SHC3: variants seen among roughly 807,000 people sequenced by gnomAD.
SHC3 encodes SHC adaptor protein 3.
SHC3 carries 15 observed loss-of-function variants against 60.4 expected under a neutral mutation model. The observed-to-expected ratio is 0.25, with a 90% CI of 0.17 to 0.38. SHC3 has a LOEUF of 0.38. Among genes scored for constraint, SHC3 ranks in the 10% least tolerant of loss-of-function variants. The probability of loss-of-function intolerance (pLI) is 1.00; values close to 1 mark genes in which losing one functional copy is unlikely to be tolerated. For synonymous variants in SHC3, 294 were observed against 325.9 expected, an observed-to-expected ratio of 0.90 and a Z score of 1.05; for missense variants, 677 against 786.1, an observed-to-expected ratio of 0.86 and a Z score of 1.66.
At position 89,046,885 on chromosome 9, in the gene SHC3, T is replaced by C. The variant is rs1039164547; in HGVS notation, c.1072A>G (p.Thr358Ala). Residue 358 changes from threonine to alanine, a missense_variant, in exon 8 of 12, where the codon ACT becomes GCT. Transcript: ENST00000375835. ...KMPPPGGFLD[T>A]RLKPRPHAPD... The stretch of plus-strand genomic sequence containing the variant: ...GCATGGGGTCTGGGTTTCAGTCTAG[T>C]ATCAAGAAAGCCCCCTGGAGGAGGC... 2 of 1,610,484 alleles carry C rather than the reference T, an allele frequency of 1.2e-6. No individual in the cohort carries two copies. The highest frequency in any genetic ancestry group is 2.7e-5 in the African/African-American group (2 of 75,042).
chr9:89,046,073 A>AC (rs112478625), intron 8 of SHC3, among the ~76,000 whole-genome samples: 1,855 of 104,138 alleles, frequency 0.018, 13 homozygotes, highest in Middle Eastern at 0.027. Context: ...TGTTTTCATT[A>AC]CCCCCCCCAC....
chr9:89,060,546 G>T (rs186907594), intron 6 of SHC3, among the ~76,000 whole-genome samples: 258 of 152,100 alleles, frequency 1.7e-3, no homozygotes, highest in Admixed American at 6.0e-3. Context: ...GCTTGGCACG[G>T]TCAGGGTCAA....
At position 89,010,491 on chromosome 9, in the gene SHC3, C is replaced by G. The variant is rs549275140; in HGVS notation, c.*2956G>C. Reference sequence around the variant, plus strand: ...GTGGGTGGGGGTCTCTAGGGCCACTCGGTAAGGGCAGAGGGGCCGTTTTAG... The same window carrying G: ...GTGGGTGGGGGTCTCTAGGGCCACTGGGTAAGGGCAGAGGGGCCGTTTTAG... On this transcript the variant is annotated 3_prime_UTR_variant, in exon 12 of 12. Coordinates refer to ENST00000375835, the MANE Select transcript of SHC3 (RefSeq NM_016848.6). 6.6e-6 allele frequency: 1 copy of G among 152,382 alleles called. No homozygotes were observed. The highest frequency in any genetic ancestry group is 2.1e-4 in the South Asian group (1 of 4,832). 9.4% of individuals were successfully genotyped at this position (152,382 alleles called of 1,614,324 possible).
chr9:89,074,691 C>CAAAAAAAAAAAAAAAAAAA, intron 4 of SHC3, among the ~76,000 whole-genome samples: 1 of 59,926 alleles, frequency 1.7e-5, no homozygotes, highest in Non-Finnish European at 2.9e-5. Flanking sequence ...GCCACTAAAG[C>CAAAAAAAAAAAAAAAAAAA]AAAAAAAAAA....
intron 4 of SHC3, among the ~76,000 whole-genome samples, chr9:89,071,920 T>G (rs1354233684): frequency 6.6e-6 from 1 of 152,202 alleles, no homozygotes; most frequent in Non-Finnish European, 1.5e-5. Context: ...GACATTGTTG[T>G]GCATCTGGAT....
At chr9:89,090,876 T>C (rs1211216203) in intron 2 of SHC3, among the ~76,000 whole-genome samples, 1 of 152,150 alleles carries the variant, frequency 6.6e-6, no homozygotes, top group Non-Finnish European at 1.5e-5. Flanking sequence ...TGAGGAAGAA[T>C]CTTTTCCCTC....
At chr9:89,130,730 G>A (rs190742814) in intron 1 of SHC3, among the ~76,000 whole-genome samples, 24 of 152,062 alleles carry the variant, frequency 1.6e-4, no homozygotes, top group East Asian at 1.9e-4. Context: ...GAACAAAGAC[G>A]CAACATACCA....
intron 11 of SHC3, among the ~76,000 whole-genome samples, chr9:89,025,672 AC>A (rs2118653526): frequency 6.6e-6 from 1 of 152,298 alleles, no homozygotes; most frequent in Non-Finnish European, 1.5e-5. Flanking sequence ...TAACATTTAA[AC>A]AGAGACCTTA....
chr9:89,113,808 C>A (rs767853701), intron 1 of SHC3, among the ~76,000 whole-genome samples: 1 of 152,172 alleles, frequency 6.6e-6, no homozygotes, highest in East Asian at 1.9e-4. Flanking sequence ...ATACCACTAC[C>A]AAGGCAGATA....
At chr9:89,086,246 C>T (rs1239702577) in intron 2 of SHC3, among the ~76,000 whole-genome samples, 1 of 152,144 alleles carries the variant, frequency 6.6e-6, no homozygotes, top group Admixed American at 6.5e-5. Context: ...AAGACTGTGC[C>T]CCACTTCCGA....
At chr9:89,058,755 A>ACGG (rs1459358487) in intron 6 of SHC3, among the ~76,000 whole-genome samples, 1 of 141,252 alleles carries the variant, frequency 7.1e-6, no homozygotes, top group East Asian at 2.2e-4. Flanking sequence ...GTGGTGGAGG[A>ACGG]TGGTGGTGGA....
chr9:89,089,660 G>C (rs1825589026), intron 2 of SHC3, among the ~76,000 whole-genome samples: 2 of 152,214 alleles, frequency 1.3e-5, no homozygotes, highest in African/African-American at 4.8e-5. Context: ...ACTCTTCCCA[G>C]AATCACACAA....
intron 6 of SHC3, among the ~76,000 whole-genome samples, chr9:89,063,192 C>T (rs956040001): frequency 1.3e-5 from 2 of 152,050 alleles, no homozygotes; most frequent in Admixed American, 6.5e-5. Flanking sequence ...TGCAGTGGTG[C>T]GATCTCGGCT....
At chr9:89,099,023 C>T (rs1024490234) in intron 2 of SHC3, among the ~76,000 whole-genome samples, 1 of 152,092 alleles carries the variant, frequency 6.6e-6, no homozygotes, top group East Asian at 1.9e-4. Context: ...ATGCAGGATT[C>T]CTTTGTCATA....
chr9:89,018,866 G>A, intron 11 of SHC3, among the ~76,000 whole-genome samples: 1 of 151,284 alleles, frequency 6.6e-6, no homozygotes, highest in Middle Eastern at 3.2e-3. Context: ...GATCAGCCTG[G>A]CCAACACAGT....
intron 11 of SHC3, among the ~76,000 whole-genome samples, chr9:89,025,305 C>G (rs1246370948): frequency 2.0e-5 from 3 of 152,120 alleles, no homozygotes; most frequent in African/African-American, 2.4e-5. Context: ...CACCCCACCT[C>G]CAGGCTTGTA....
At chr9:89,159,911 C>T (rs1203181041) in intron 1 of SHC3, among the ~76,000 whole-genome samples, 5 of 152,180 alleles carry the variant, frequency 3.3e-5, no homozygotes, top group African/African-American at 1.2e-4. Flanking sequence ...CTCACAGACA[C>T]ACCCAGGATC....
chr9:89,028,784 A>G lies in SHC3; in HGVS notation c.1656+9209T>C, dbSNP rs541271581. ...ATATATATATTCTCTATATAGATAT[A>G]GAGAGATATAGAGAGATCATCTATA... On this transcript the variant is annotated intron_variant, in intron 11 of 11. Transcript: ENST00000375835. Among the ~76,000 whole-genome samples the G allele has an allele frequency of 3.3e-3, 485 of 146,680 alleles. 5 individuals are homozygous for G. Among genetic ancestry groups the G allele is most frequent in the African/African-American group, 0.011 (463 of 40,602 alleles).
chr9:89,162,712 G>A (rs1042283725), intron 1 of SHC3, among the ~76,000 whole-genome samples: 1 of 150,412 alleles, frequency 6.6e-6, no homozygotes, highest in Non-Finnish European at 1.5e-5. Flanking sequence ...AACACCAAAA[G>A]CAATGGCAAC....
Sources: allele counts gnomAD v4.1 joint callset (sites outside exome capture counted in the v4.1 genomes callset), GRCh38; gene constraint gnomAD v4.1.1; transcripts MANE v1.5; gene names NCBI Gene and HGNC (gene_info 2026-07-23, HGNC 2026-07-21).